SDK1: variants seen among roughly 807,000 people sequenced by gnomAD.
The protein encoded by SDK1 is protein sidekick-1.
In SDK1, 157 loss-of-function variants were observed where a neutral mutation model predicts 245.5. The ratio of observed to expected loss-of-function variants is 0.64; its 90% confidence interval spans 0.56 to 0.73. The LOEUF is 0.73. Among genes scored for constraint, SDK1 ranks in the 30% least tolerant of loss-of-function variants. The pLI is 0.00. For synonymous variants in SDK1, 1,647 were observed against 1,278.5 expected, an observed-to-expected ratio of 1.29 and a Z score of -6.15; for missense variants, 3,583 against 3,002.3, an observed-to-expected ratio of 1.19 and a Z score of -4.52.
At chr7:3,594,280 A>T (rs1317131325) in intron 1 of SDK1, among the ~76,000 whole-genome samples, 2 of 152,186 alleles carry the variant, frequency 1.3e-5, no homozygotes, top group Non-Finnish European at 2.9e-5. Context: ...ACATGTGTCA[A>T]CACCCAAATT....
intron 4 of SDK1, among the ~76,000 whole-genome samples, chr7:3,739,682 T>A (rs1344119593): frequency 6.6e-6 from 1 of 152,214 alleles, no homozygotes; most frequent in Non-Finnish European, 1.5e-5. Context: ...CTTTAATTCT[T>A]TAGAAATTAT....
chr7:3,954,172 C>A (rs558607153), intron 7 of SDK1, among the ~76,000 whole-genome samples: 2 of 151,460 alleles, frequency 1.3e-5, no homozygotes, highest in Admixed American at 6.6e-5. Context: ...GCACAGAGGT[C>A]GGCTTCCAGG....
chr7:3,709,694 T>G (rs1403604346), intron 4 of SDK1, among the ~76,000 whole-genome samples: 1 of 152,222 alleles, frequency 6.6e-6, no homozygotes, highest in African/African-American at 2.4e-5. Flanking sequence ...ATCCACCATA[T>G]TGAAAAAAAG....
intron 29 of SDK1, among the ~76,000 whole-genome samples, chr7:4,147,548 G>A (rs1320389547): frequency 6.6e-6 from 1 of 152,168 alleles, no homozygotes; most frequent in African/African-American, 2.4e-5. Context: ...GATTGCAGGT[G>A]TGAGCCCCTG....
chr7:3,453,719 A>G (rs1453836012), intron 1 of SDK1, among the ~76,000 whole-genome samples: 1 of 151,700 alleles, frequency 6.6e-6, no homozygotes, highest in African/African-American at 2.4e-5. Context: ...CACTGGCACT[A>G]CAGGTGCACC....
At chr7:3,443,823 A>G (rs749175703) in intron 1 of SDK1, among the ~76,000 whole-genome samples, 17 of 152,226 alleles carry the variant, frequency 1.1e-4, no homozygotes, top group Non-Finnish European at 2.2e-4. Context: ...CAGGCTAGTG[A>G]TATCACCATT....
chr7:4,111,016 C>G lies in SDK1; in HGVS notation c.3434+244C>G, dbSNP rs555063389. On this transcript the variant is annotated intron_variant, in intron 23 of 44. Coordinates refer to ENST00000404826, the MANE Select transcript of SDK1 (RefSeq NM_152744.4). ...TATCAGTACCAGCTGGCAAAACACCCCATAGAAATGGCCCACTGTTATTAT... is the reference window on the plus strand; with the variant it reads ...TATCAGTACCAGCTGGCAAAACACCGCATAGAAATGGCCCACTGTTATTAT... 2.0e-5 allele frequency among the ~76,000 whole-genome samples: 3 copies of G among 152,174 alleles called. No homozygotes were observed. In the East Asian group the frequency reaches 5.8e-4, roughly 29 times the overall value.
Position 3,349,237 on chromosome 7 carries a change from A to G in SDK1, c.298+47353A>G, listed in dbSNP as rs530012322. Among the ~76,000 whole-genome samples, 29 of 152,232 alleles carry G rather than the reference A, an allele frequency of 1.9e-4. No homozygotes were observed. The South Asian group carries it at 5.4e-3, about 28-fold the overall frequency. Reference sequence around the variant, plus strand: ...CAACAAAACAAACACACAACAGCCTATTTAGATGTATACCTTTGACTTTAT... The same window carrying G: ...CAACAAAACAAACACACAACAGCCTGTTTAGATGTATACCTTTGACTTTAT... On this transcript the variant is annotated intron_variant, in intron 1 of 44. Transcript: ENST00000404826.
At chr7:3,729,141 A>C (rs1229393349) in intron 4 of SDK1, among the ~76,000 whole-genome samples, 1 of 152,198 alleles carries the variant, frequency 6.6e-6, no homozygotes, top group Admixed American at 6.5e-5. Flanking sequence ...CATGGCATCA[A>C]ACTTTTTAGG....
chr7:3,508,412 C>T (rs1011425614), intron 1 of SDK1, among the ~76,000 whole-genome samples: 1 of 150,574 alleles, frequency 6.6e-6, no homozygotes, highest in African/African-American at 2.4e-5. Context: ...ACTGTAACCT[C>T]TACCTCCTCG....
At chr7:3,569,622 C>T (rs893484221) in intron 1 of SDK1, among the ~76,000 whole-genome samples, 2 of 152,250 alleles carry the variant, frequency 1.3e-5, no homozygotes, top group Non-Finnish European at 2.9e-5. Context: ...TTTTCACTTC[C>T]AACGTGATCT....
At chr7:3,439,756 C>G (rs1197967251) in intron 1 of SDK1, among the ~76,000 whole-genome samples, 1 of 152,154 alleles carries the variant, frequency 6.6e-6, no homozygotes, top group East Asian at 1.9e-4. Context: ...GCTTTATGAT[C>G]ATGATTTAAA....
intron 22 of SDK1, among the ~76,000 whole-genome samples, chr7:4,105,842 G>A (rs191224600): frequency 8.5e-5 from 13 of 152,336 alleles, no homozygotes; most frequent in African/African-American, 2.6e-4. Flanking sequence ...CACTCTGAGA[G>A]GGGGAAGAGT....
rs577146720 is a variant in SDK1 at position 3,807,227 on chromosome 7, C to T, written c.714-14223C>T. Among the ~76,000 whole-genome samples, 48 of 152,278 alleles carry T rather than the reference C, an allele frequency of 3.2e-4. 1 individual carries two copies. The highest frequency in any genetic ancestry group is 1.2e-3 in the African/African-American group (48 of 41,560). On this transcript the variant is annotated intron_variant, in intron 4 of 44. Transcript: ENST00000404826. ...CTCTGCCTCTTATTAGCGGGACTGA[C>T]AGCTGCCTAGTGGAGAAGGTAACCT...
chr7:3,568,473 C>G (rs545647016), intron 1 of SDK1, among the ~76,000 whole-genome samples: 52 of 152,120 alleles, frequency 3.4e-4, no homozygotes, highest in Non-Finnish European at 6.6e-4. Context: ...ATGGGTGATT[C>G]ACCTTTGAAT....
chr7:3,587,625 A>G (rs913228425), intron 1 of SDK1, among the ~76,000 whole-genome samples: 5 of 152,200 alleles, frequency 3.3e-5, no homozygotes, highest in East Asian at 1.9e-4. Flanking sequence ...CCCTACCTAC[A>G]TCGGGGATGG....
chr7:3,839,924 A>AT (rs1780116668), intron 5 of SDK1, among the ~76,000 whole-genome samples: 1 of 152,204 alleles, frequency 6.6e-6, no homozygotes, highest in Admixed American at 6.5e-5. Flanking sequence ...CTTAATATAT[A>AT]TTACATCAAA....
At chr7:3,866,650 A>G (rs1455809467) in intron 5 of SDK1, among the ~76,000 whole-genome samples, 2 of 152,160 alleles carry the variant, frequency 1.3e-5, no homozygotes, top group African/African-American at 4.8e-5. Flanking sequence ...GCCCCTGCCC[A>G]TAATCCATGG....
chr7:3,842,963 G>T (rs1562484121), intron 5 of SDK1, among the ~76,000 whole-genome samples: 1 of 152,178 alleles, frequency 6.6e-6, no homozygotes, highest in African/African-American at 2.4e-5. Context: ...GAAGACGGTG[G>T]CTCAACGCAC....
Sources: gnomAD v4.1 joint callset for allele counts (sites outside exome capture counted in the v4.1 genomes callset) on GRCh38, gnomAD v4.1.1 for gene constraint, MANE v1.5 for transcripts, NCBI Gene and HGNC (gene_info 2026-07-23, HGNC 2026-07-21) for gene names.